CNBD1: variants seen among roughly 807,000 people sequenced by gnomAD.
The protein encoded by CNBD1 is cyclic nucleotide binding domain containing 1.
A neutral mutation model predicts 54.4 loss-of-function variants in CNBD1; 71 were observed. The ratio of observed to expected loss-of-function variants is 1.30; its 90% CI spans 1.08 to 1.59. The LOEUF is 1.59. Among genes scored for constraint, CNBD1 ranks in the 40% most tolerant of loss-of-function variants. The pLI, the probability that CNBD1 is intolerant of heterozygous loss-of-function variation, is 0.00. For synonymous variants in CNBD1, 182 were observed against 170.7 expected, an observed-to-expected ratio of 1.07 and a Z score of -0.51; for missense variants, 659 against 518.0, an observed-to-expected ratio of 1.27 and a Z score of -2.64.
intron 6 of CNBD1, among the ~76,000 whole-genome samples, chr8:87,250,595 G>A (rs771304884): frequency 6.6e-6 from 1 of 152,282 alleles, no homozygotes; most frequent in African/African-American, 2.4e-5. Context: ...ACCATTGAAT[G>A]AATAAAGAAA....
At chr8:86,969,904 A>G (rs894604131) in intron 4 of CNBD1, among the ~76,000 whole-genome samples, 4 of 151,566 alleles carry the variant, frequency 2.6e-5, no homozygotes, top group African/African-American at 9.7e-5. Context: ...TTTAACTTAG[A>G]TTTACTCCTA....
intron 4 of CNBD1, among the ~76,000 whole-genome samples, chr8:87,160,915 G>T (rs751763243): frequency 1.3e-4 from 20 of 152,070 alleles, no homozygotes; most frequent in Admixed American, 7.2e-4. Context: ...ACAACAGGGT[G>T]TATTTTCTAT....
chr8:87,298,101 T>A (rs1375942281), intron 8 of CNBD1, among the ~76,000 whole-genome samples: 1 of 152,068 alleles, frequency 6.6e-6, no homozygotes, highest in East Asian at 1.9e-4. Flanking sequence ...TAATAATTAT[T>A]TGAGAAAGTA....
chr8:87,385,378 G>T (rs1811162259), downstream of CNBD1, among the ~76,000 whole-genome samples: 1 of 152,122 alleles, frequency 6.6e-6, no homozygotes, highest in African/African-American at 2.4e-5. Flanking sequence ...TCAAAGAAAG[G>T]GGTGACAGAT....
chr8:87,102,670 G>T (rs1379251126), intron 4 of CNBD1, among the ~76,000 whole-genome samples: 2 of 152,088 alleles, frequency 1.3e-5, no homozygotes, highest in Non-Finnish European at 2.9e-5. Flanking sequence ...CTGGAGTGCA[G>T]TGGCGCGATT....
chr8:87,086,670 A>T (rs758961866), intron 4 of CNBD1, among the ~76,000 whole-genome samples: 24 of 152,208 alleles, frequency 1.6e-4, no homozygotes, highest in Admixed American at 2.0e-4. Context: ...TTTCAAAATG[A>T]TGATTTTGTG....
chr8:87,307,607 A>T (rs1384298810), intron 8 of CNBD1, among the ~76,000 whole-genome samples: 1 of 151,968 alleles, frequency 6.6e-6, no homozygotes, highest in Non-Finnish European at 1.5e-5. Context: ...GCATGGAGGC[A>T]CATGCCTATA....
At chr8:87,183,172 C>T (rs914862995) in intron 4 of CNBD1, among the ~76,000 whole-genome samples, 1 of 152,050 alleles carries the variant, frequency 6.6e-6, no homozygotes, top group Non-Finnish European at 1.5e-5. Context: ...TTCCCTACTG[C>T]TTATTTTTGT....
intron 10 of CNBD1, among the ~76,000 whole-genome samples, chr8:87,372,135 C>G (rs760419024): frequency 3.9e-5 from 6 of 152,060 alleles, no homozygotes; most frequent in Non-Finnish European, 8.8e-5. Flanking sequence ...GCAACTTCAG[C>G]CAAGTCTCAG....
intron 4 of CNBD1, among the ~76,000 whole-genome samples, chr8:87,032,034 GC>G (rs1488287413): frequency 6.6e-6 from 1 of 152,116 alleles, no homozygotes; most frequent in Non-Finnish European, 1.5e-5. Flanking sequence ...GAGCCACAGT[GC>G]CCAGCCTAAC....
intron 9 of CNBD1, among the ~76,000 whole-genome samples, chr8:87,352,477 T>TG: frequency 4.2e-5 from 1 of 23,610 alleles, no homozygotes; most frequent in East Asian, 5.1e-4. Context: ...AGACTCTGTC[T>TG]CAAAAAAAAA....
At chr8:87,202,096 C>T (rs1297674539) in intron 4 of CNBD1, among the ~76,000 whole-genome samples, 1 of 151,964 alleles carries the variant, frequency 6.6e-6, no homozygotes, top group South Asian at 2.1e-4. Flanking sequence ...ATACGCAAAC[C>T]CAGTAGCTGA....
chr8:87,160,975 G>A lies in CNBD1; in HGVS notation c.432-45018G>A, dbSNP rs531684748. The stretch of plus-strand genomic sequence containing the variant: ...ATTGGCTTAACTGTTCTAACAAAAA[G>A]GTCTTAAAATGAAGTGGCATCATCA... On this transcript the variant is annotated intron_variant, in intron 4 of 10. Transcript: ENST00000518476. Among the ~76,000 whole-genome samples, 7 of 152,032 alleles carry A rather than the reference G, an allele frequency of 4.6e-5. No individual in the cohort carries two copies. In the East Asian group the frequency reaches 1.2e-3, roughly 25 times the overall value.
intron 6 of CNBD1, among the ~76,000 whole-genome samples, chr8:87,265,896 CATT>C (rs1276416893): frequency 6.6e-6 from 1 of 152,034 alleles, no homozygotes; most frequent in African/African-American, 2.4e-5. Flanking sequence ...CTTGTAAACA[CATT>C]GTTGATTTGG....
intron 8 of CNBD1, among the ~76,000 whole-genome samples, chr8:87,336,819 A>T (rs1809953162): frequency 6.6e-6 from 1 of 151,996 alleles, no homozygotes; most frequent in Non-Finnish European, 1.5e-5. Context: ...ATTCTTTCTC[A>T]TCTTTTTGAG....
chr8:86,958,158 C>T (rs1192177823), intron 4 of CNBD1, among the ~76,000 whole-genome samples: 1 of 152,122 alleles, frequency 6.6e-6, no homozygotes, highest in Non-Finnish European at 1.5e-5. Context: ...TTTCTTAATC[C>T]TGAGTTCTAG....
At chr8:87,341,343 T>C (rs1317292952) in intron 8 of CNBD1, among the ~76,000 whole-genome samples, 2 of 152,084 alleles carry the variant, frequency 1.3e-5, no homozygotes, top group African/African-American at 2.4e-5. Flanking sequence ...CTCTGGCAGC[T>C]CCTGTCTTCT....
intron 3 of CNBD1, among the ~76,000 whole-genome samples, chr8:86,935,334 C>T (rs1440415444): frequency 6.6e-6 from 1 of 152,168 alleles, no homozygotes; most frequent in African/African-American, 2.4e-5. Flanking sequence ...ACATGCCTGG[C>T]TGGGTTTATT....
At chr8:87,235,287 C>T (rs181310278) in intron 5 of CNBD1, among the ~76,000 whole-genome samples, 1 of 152,128 alleles carries the variant, frequency 6.6e-6, no homozygotes, top group Non-Finnish European at 1.5e-5. Context: ...AGAACTGTTC[C>T]TTTGCATTCA....
Sources: allele counts gnomAD v4.1 joint callset (sites outside exome capture counted in the v4.1 genomes callset), GRCh38; gene constraint gnomAD v4.1.1; transcripts MANE v1.5; gene names NCBI Gene and HGNC (gene_info 2026-07-23, HGNC 2026-07-21).